The following GAK variants were observed in gnomAD, a reference collection of about 807,000 sequenced individuals.
GAK encodes the protein cyclin G associated kinase, also known as cyclin-G-associated kinase.
Under a neutral mutation model 143.9 loss-of-function variants are expected in GAK, and 79 were observed. The ratio of observed to expected loss-of-function variants is 0.55; its 90% CI spans 0.46 to 0.66. The LOEUF is 0.66. Ranked by LOEUF, GAK falls within the 30% of genes least tolerant of loss-of-function variation. The pLI is 0.00. For synonymous variants in GAK, 881 were observed against 765.5 expected (o/e 1.15, Z -2.49); for missense variants, 1,693 against 1,779.7 (o/e 0.95, Z 0.88).
At chr4:903,683 C>T (rs1408692133) in intron 5 of GAK, among the ~76,000 whole-genome samples, 8 of 146,378 alleles carry the variant, frequency 5.5e-5, no homozygotes, top group Admixed American at 6.8e-5. Flanking sequence ...AGTGCGGGGC[C>T]TATAGTGACA....
At chr4:885,116 G>A (rs1005366211) in intron 11 of GAK, among the ~76,000 whole-genome samples, 19 of 152,158 alleles carry the variant, frequency 1.2e-4, no homozygotes, top group African/African-American at 2.6e-4. Flanking sequence ...TTTAAAAGGC[G>A]TCTAAACCCA....
Position 849,414 on chromosome 4 carries a change from A to G in GAK, c.*259T>C. 1 of 536,508 alleles carries G rather than the reference A, an allele frequency of 1.9e-6. No individual in the cohort carries two copies. Among genetic ancestry groups the G allele is most frequent in the South Asian group, 2.3e-5 (1 of 42,802 alleles). The allele number at this position is 536,508 out of a possible 1,614,324, so 33.2% of individuals were successfully genotyped here. On this transcript the variant is annotated 3_prime_UTR_variant, in exon 28 of 28. Transcript: ENST00000314167. ...TCCAGAGGCCACGCCCGAAACACCA[A>G]ATAAATCACAGACGTGACAATTGCG...
rs1431185145 is a variant in GAK at position 868,615 on chromosome 4, G to T, written c.2319C>A (p.Ala773=). 1 of 1,586,200 alleles carries T rather than the reference G, an allele frequency of 6.3e-7. No individual in the cohort carries two copies. The highest frequency in any genetic ancestry group is 8.6e-7 in the Non-Finnish European group (1 of 1,166,852). Residue 773 remains alanine (A), a synonymous_variant, in exon 20 of 28, where the codon GCC becomes GCA. Transcript: ENST00000314167. ...GCGGTGAGTCAGAGTCTGTGGGTTCGGCTTCCGGGGACCCTGCCCCAGCAT... is the reference window on the plus strand; with the variant it reads ...GCGGTGAGTCAGAGTCTGTGGGTTCTGCTTCCGGGGACCCTGCCCCAGCAT... ...QYDAGAGSPE[A]EPTDSDSPPS...
In GAK at chr4:866,363, C is replaced by T; in HGVS notation, c.3043+1G>A. The T allele has an allele frequency of 4.3e-6, 7 of 1,613,774 alleles. No homozygotes were observed. The highest frequency in any genetic ancestry group is 5.9e-6 in the Non-Finnish European group (7 of 1,179,858). ...CTGGCTGCCAGGCGAGAGGCACTTA[C>T]CCAGGTGCAGGAAGTCGGCGCTGCA... is the stretch of plus-strand genomic sequence containing the variant. On this transcript the variant is annotated splice_donor_variant, in intron 22 of 27. Transcript: ENST00000314167. LOFTEE classifies it high-confidence loss of function.
At chr4:902,541 C>T (rs1172763652) in intron 5 of GAK, among the ~76,000 whole-genome samples, 1 of 137,176 alleles carries the variant, frequency 7.3e-6, no homozygotes, top group Non-Finnish European at 1.5e-5. Context: ...GCCGAGGCGG[C>T]AGTGAGCCCC....
At chr4:887,965 T>G (rs549651977) in intron 11 of GAK, 2 of 152,294 alleles carry the variant, frequency 1.3e-5, no homozygotes, top group South Asian at 4.1e-4. Context: ...GCACACATGC[T>G]CAAAGACACA....
In GAK at chr4:859,477, G is replaced by A. The variant is rs1292625218; in HGVS notation, c.3283+129C>T. The stretch of plus-strand genomic sequence containing the variant: ...CACGCTGTCCCCTTGGGCTCACTGT[G>A]CTCTGGGCTTGGGGGTCTTAGTGAA... On this transcript the variant is annotated intron_variant, in intron 24 of 27. Transcript: ENST00000314167. The A allele has an allele frequency of 5.6e-6, 9 of 1,602,276 alleles. 1 individual carries two copies. In the South Asian group the frequency reaches 8.9e-5, roughly 16 times the overall value.
rs556153890 is a variant in GAK at position 909,238 on chromosome 4, G to A, written c.382+2435C>T. 2.0e-5 allele frequency among the ~76,000 whole-genome samples: 3 copies of A among 152,400 alleles called. No individual in the cohort carries two copies. The South Asian group carries it at 6.2e-4, about 32-fold the overall frequency. ...CACCACGAGCGGGAGGCCCCACGGC[G>A]TGATGCGTGCTCCCGACAAATCTTA... On this transcript the variant is annotated intron_variant, in intron 4 of 27. Transcript: ENST00000314167.
intron 5 of GAK, among the ~76,000 whole-genome samples, chr4:902,186 G>A (rs949425624): frequency 2.0e-5 from 3 of 151,050 alleles, no homozygotes; most frequent in Non-Finnish European, 2.9e-5. Context: ...TGCATGAGCC[G>A]AGATCGTGCC....
At chr4:875,940 CA>C (rs1022725291) in intron 18 of GAK, among the ~76,000 whole-genome samples, 1 of 151,264 alleles carries the variant, frequency 6.6e-6, no homozygotes, top group Non-Finnish European at 1.5e-5. Flanking sequence ...GACTCTGTCT[CA>C]AAAAAAAAGA....
chr4:849,604 G>T lies in GAK; in HGVS notation c.*69C>A. ...TGCTGTCGCCCACGGGGTCCTCACG[G>T]TGGGGACCCAGGTCCCACGACGGCT... On this transcript the variant is annotated 3_prime_UTR_variant, in exon 28 of 28. Transcript: ENST00000314167. 3 of 1,293,840 alleles carry T rather than the reference G, an allele frequency of 2.3e-6. No homozygotes were observed. Among genetic ancestry groups the T allele is most frequent in the Non-Finnish European group, 3.3e-6 (3 of 907,224 alleles). 80.1% of individuals were successfully genotyped at this position (1,293,840 alleles called of 1,614,324 possible). A position where few individuals can be genotyped will look rare whatever the true frequency, so the allele number is the denominator to read the frequency against.
Position 932,220 on chromosome 4 carries a change from G to A in GAK, c.-33C>T. Reference sequence around the variant, plus strand: ...GCTGCGCCGCACCCCGCGGCAGCCGGAGTGGTCGGGCTCGGGCTCCCGCTC... The same window carrying A: ...GCTGCGCCGCACCCCGCGGCAGCCGAAGTGGTCGGGCTCGGGCTCCCGCTC... On this transcript the variant is annotated 5_prime_UTR_variant, in exon 1 of 28. Transcript: ENST00000314167. This position sits in a 1 kb window ranked among gnomAD's most constrained non-coding sequence, Gnocchi z 4.0. 4.6e-6 allele frequency: 7 copies of A among 1,508,712 alleles called. No homozygotes were observed. The highest frequency in any genetic ancestry group is 6.2e-6 in the Non-Finnish European group (7 of 1,132,182). The allele number at this position is 1,508,712 out of a possible 1,614,324, so 93.5% of individuals were successfully genotyped here. A position where few individuals can be genotyped will look rare whatever the true frequency, so the allele number is the denominator to read the frequency against.
intron 3 of GAK, 138 bp from the exon 4 acceptor site, chr4:911,925 G>T (rs960288049): frequency 9.3e-6 from 6 of 645,102 alleles, no homozygotes; most frequent in Non-Finnish European, 1.6e-5. Context: ...CGTCAGAGCG[G>T]AAGATGAGGG....
intron 11 of GAK, chr4:887,140 C>T (rs1262989665): frequency 6.6e-6 from 1 of 152,062 alleles, no homozygotes; most frequent in Non-Finnish European, 1.5e-5. Flanking sequence ...GGCTCACACA[C>T]ATGCGTACAC....
Position 911,786 on chromosome 4 carries a change from T to G in GAK, c.269A>C (p.Lys90Thr), listed in dbSNP as rs1209057726. 6 of 1,612,892 alleles carry G rather than the reference T, an allele frequency of 3.7e-6. No homozygotes were observed. Among genetic ancestry groups the G allele is most frequent in the Non-Finnish European group, 5.1e-6 (6 of 1,179,092 alleles). Residue 90 changes from lysine (K) to threonine (T), a missense_variant and splice_region_variant, in exon 4 of 28, where the codon AAA becomes ACA. Around this residue, in one of 2 missense-constraint regions of GAK, gnomAD observed 871 missense variants for 991.0 expected, o/e 0.88. Transcript: ENST00000314167. ...RAIIQEVCFMKKLSGHPNIVQ... is the reference protein window; with the variant it reads ...RAIIQEVCFMTKLSGHPNIVQ... The stretch of plus-strand genomic sequence containing the variant: ...AATGTTCGGGTGGCCGGAAAGCTTT[T>G]TCTGCAGTTGTCTTGTTAAAGGAGA...
At chr4:916,393 T>C (rs1250533768) in intron 1 of GAK, among the ~76,000 whole-genome samples, 6 of 152,226 alleles carry the variant, frequency 3.9e-5, no homozygotes, top group Non-Finnish European at 8.8e-5. Context: ...AAGCTGGGAC[T>C]ACAGGCATGC....
intron 24 of GAK, chr4:852,219 A>AGGACAGG: frequency 1.7e-6 from 1 of 579,668 alleles, no homozygotes; most frequent in African/African-American, 1.9e-5. Flanking sequence ...AGGACAGGGC[A>AGGACAGG]GCTGTGGAGG....
At chr4:885,777 T>C (rs1716214949) in intron 11 of GAK, 2 of 151,722 alleles carry the variant, frequency 1.3e-5, no homozygotes, top group South Asian at 4.2e-4. Flanking sequence ...TTTTTTTTCA[T>C]TTTTTAAATT....
chr4:919,260 G>A (rs573441216), intron 1 of GAK, among the ~76,000 whole-genome samples: 1 of 150,788 alleles, frequency 6.6e-6, no homozygotes, highest in South Asian at 2.1e-4. Context: ...AAAGACAGAA[G>A]GCTCCAAAGG....
Sources: allele counts gnomAD v4.1 joint callset (sites outside exome capture counted in the v4.1 genomes callset), GRCh38; gene constraint gnomAD v4.1.1; regional missense constraint gnomAD v4.1.1; non-coding constraint Gnocchi (gnomAD v3.1); transcripts MANE v1.5; gene names NCBI Gene and HGNC (gene_info 2026-07-23, HGNC 2026-07-21).